DSCAM: variants seen among roughly 807,000 people sequenced by gnomAD.
The protein encoded by DSCAM is cell adhesion molecule DSCAM.
DSCAM carries 47 observed loss-of-function variants against 217.7 expected under a neutral mutation model. The observed-to-expected ratio is 0.22, with a 90% CI of 0.17 to 0.28. The LOEUF (loss-of-function observed/expected upper bound fraction) is 0.28. Ranked by LOEUF, DSCAM falls within the 10% of genes least tolerant of loss-of-function variation. The pLI, the probability that DSCAM is intolerant of heterozygous loss-of-function variation, is 1.00. For missense variants in DSCAM, 2,080 were observed against 2,618.3 expected (o/e 0.79, Z 4.49); for synonymous variants, 1,056 against 1,015.3 (o/e 1.04, Z -0.76).
At chr21:40,355,173 A>T (rs981640437) in intron 4 of DSCAM, among the ~76,000 whole-genome samples, 1 of 152,176 alleles carries the variant, frequency 6.6e-6, no homozygotes, top group African/African-American at 2.4e-5. Flanking sequence ...AAAAGAGGGC[A>T]TAACAGAGAG....
intron 3 of DSCAM, among the ~76,000 whole-genome samples, chr21:40,559,702 A>G (rs576881074): frequency 1.3e-5 from 2 of 152,040 alleles, no homozygotes; most frequent in East Asian, 3.9e-4. Context: ...TGCAACATCT[A>G]TTGAAATGAA....
chr21:40,171,833 T>C (rs1029535692), intron 15 of DSCAM, among the ~76,000 whole-genome samples: 3 of 152,174 alleles, frequency 2.0e-5, no homozygotes, highest in African/African-American at 7.2e-5. Context: ...TATCATCTCA[T>C]TGCCAATGAT....
intron 1 of DSCAM, among the ~76,000 whole-genome samples, chr21:40,713,262 A>C (rs1024165341): frequency 6.6e-6 from 1 of 152,202 alleles, no homozygotes; most frequent in African/African-American, 2.4e-5. Flanking sequence ...GTCATATAGG[A>C]TGGAAATGTT....
At chr21:40,577,085 T>C (rs2076857319) in intron 3 of DSCAM, among the ~76,000 whole-genome samples, 1 of 151,878 alleles carries the variant, frequency 6.6e-6, no homozygotes, top group African/African-American at 2.4e-5. Context: ...ATCATAAATT[T>C]ATAAATTAAT....
rs556381322 is a variant in DSCAM at position 40,675,554 on chromosome 21, G to C, written c.508+17256C>G. Reference sequence around the variant, plus strand: ...TTCCACCATAATTCTTCTAAGAAAGGGTTGGAGACTAAAGAAAAATAAGTC... The same window carrying C: ...TTCCACCATAATTCTTCTAAGAAAGCGTTGGAGACTAAAGAAAAATAAGTC... On this transcript the variant is annotated intron_variant, in intron 3 of 32. Coordinates refer to ENST00000400454, the MANE Select transcript of DSCAM (RefSeq NM_001389.5). Among the ~76,000 whole-genome samples the C allele has an allele frequency of 5.9e-5, 9 of 152,044 alleles. No homozygotes were observed. In the South Asian group the frequency reaches 1.9e-3, roughly 32 times the overall value.
At position 40,172,297 on chromosome 21, in the gene DSCAM, A is replaced by G. The variant is rs940668921; in HGVS notation, c.2948-5009T>C. ...AAAAACAAGTGATTTTACAAAATAA[A>G]CTCTGCATTTCTAAGAAATCCAAAA... On this transcript the variant is annotated intron_variant, in intron 15 of 32. Transcript: ENST00000400454. 2.6e-5 allele frequency among the ~76,000 whole-genome samples: 4 copies of G among 152,314 alleles called. No homozygotes were observed. In the South Asian group the frequency reaches 6.2e-4, roughly 24 times the overall value.
chr21:40,087,091 G>T, intron 22 of DSCAM, 79 bp downstream of exon 22: 4 of 1,035,838 alleles, frequency 3.9e-6, no homozygotes, highest in South Asian at 1.3e-5. Context: ...AAAATTAGGA[G>T]ACCACTAGAC....
chr21:40,257,351 G>C (rs1033555676), intron 11 of DSCAM, among the ~76,000 whole-genome samples: 1 of 151,914 alleles, frequency 6.6e-6, no homozygotes, highest in Non-Finnish European at 1.5e-5. Context: ...TGTTATATTT[G>C]TATTTATGTT....
intron 11 of DSCAM, among the ~76,000 whole-genome samples, chr21:40,206,103 A>G (rs1026623386): frequency 6.6e-6 from 1 of 152,238 alleles, no homozygotes; most frequent in African/African-American, 2.4e-5. Context: ...CTCTAACTGT[A>G]TCTCTCTGAA....
intron 3 of DSCAM, among the ~76,000 whole-genome samples, chr21:40,459,592 G>A (rs1379406158): frequency 2.6e-5 from 4 of 152,134 alleles, no homozygotes; most frequent in Non-Finnish European, 2.9e-5. Flanking sequence ...TGAACAGCAC[G>A]TTGAAATGCT....
At chr21:40,345,947 T>G (rs78003963) in intron 6 of DSCAM, among the ~76,000 whole-genome samples, 2,353 of 152,320 alleles carry the variant, frequency 0.015, 67 homozygotes, top group African/African-American at 0.053. Flanking sequence ...CTTTTGGAGA[T>G]GAAAGCAGAC....
chr21:40,273,171 G>A (rs1474275572), intron 11 of DSCAM, among the ~76,000 whole-genome samples: 1 of 151,974 alleles, frequency 6.6e-6, no homozygotes, highest in African/African-American at 2.4e-5. Context: ...TTTACTCTAT[G>A]TATGTATTGG....
intron 21 of DSCAM, among the ~76,000 whole-genome samples, chr21:40,092,295 G>A (rs896972495): frequency 6.6e-6 from 1 of 152,148 alleles, no homozygotes. Flanking sequence ...TGTGGAACAG[G>A]CCACCCAAGA....
intron 3 of DSCAM, among the ~76,000 whole-genome samples, chr21:40,482,616 G>A (rs2075992596): frequency 1.3e-5 from 2 of 152,116 alleles, no homozygotes; most frequent in African/African-American, 4.8e-5. Context: ...ATACTCTCTG[G>A]AGACATTTCA....
intron 8 of DSCAM, among the ~76,000 whole-genome samples, chr21:40,330,716 G>A (rs2074369559): frequency 6.6e-6 from 1 of 152,122 alleles, no homozygotes; most frequent in Non-Finnish European, 1.5e-5. Flanking sequence ...ATCCATTTAA[G>A]TATATTGAAG....
At chr21:40,497,938 A>G (rs1400122271) in intron 3 of DSCAM, among the ~76,000 whole-genome samples, 1 of 152,222 alleles carries the variant, frequency 6.6e-6, no homozygotes, top group Non-Finnish European at 1.5e-5. Flanking sequence ...AACCACTAAA[A>G]TTATGAAATA....
At chr21:40,606,949 T>C (rs2089247427) in intron 3 of DSCAM, among the ~76,000 whole-genome samples, 1 of 152,232 alleles carries the variant, frequency 6.6e-6, no homozygotes, top group African/African-American at 2.4e-5. Flanking sequence ...CTTTGCCTGC[T>C]GCCATCCTTG....
chr21:40,381,029 C>CCGCAG (rs1601600817), intron 3 of DSCAM, among the ~76,000 whole-genome samples: 1 of 142,980 alleles, frequency 7.0e-6, no homozygotes, highest in East Asian at 2.1e-4. Context: ...TGCCACTGCA[C>CCGCAG]TCCAGCCTGG....
At chr21:40,503,872 C>T (rs73362959) in intron 3 of DSCAM, among the ~76,000 whole-genome samples, 1,869 of 152,254 alleles carry the variant, frequency 0.012, 37 homozygotes, top group African/African-American at 0.041. Context: ...TAATTCAGGT[C>T]TGAATTGGCA....
Sources: allele counts gnomAD v4.1 joint callset (sites outside exome capture counted in the v4.1 genomes callset), GRCh38; gene constraint gnomAD v4.1.1; transcripts MANE v1.5; gene names NCBI Gene and HGNC (gene_info 2026-07-23, HGNC 2026-07-21).